DZANK1: variants seen among roughly 807,000 people sequenced by gnomAD.
DZANK1 encodes double zinc ribbon and ankyrin repeat domains 1, also known as double zinc ribbon and ankyrin repeat-containing protein 1.
Under a neutral mutation model 94.5 loss-of-function variants are expected in DZANK1, and 91 were observed. The ratio of observed to expected loss-of-function variants is 0.96; its 90% confidence interval spans 0.81 to 1.15. The LOEUF (loss-of-function observed/expected upper bound fraction) is 1.15, where lower values mean the gene tolerates loss of function less well. DZANK1 is among the 50% of genes most tolerant of loss of function. The pLI is 0.00. For missense variants in DZANK1, 903 were observed against 916.4 expected, an observed-to-expected ratio of 0.99 and a Z score of 0.19; for synonymous variants, 312 against 325.3, an observed-to-expected ratio of 0.96 and a Z score of 0.44.
chr20:18,448,716 A>T (rs2058975993), intron 7 of DZANK1, among the ~76,000 whole-genome samples: 1 of 151,826 alleles, frequency 6.6e-6, no homozygotes, highest in Admixed American at 6.6e-5. Flanking sequence ...AAAACACAAA[A>T]ATTAGCTGGG....
intron 8 of DZANK1, among the ~76,000 whole-genome samples, chr20:18,435,238 C>A (rs960600264): frequency 4.6e-5 from 7 of 152,166 alleles, no homozygotes; most frequent in Admixed American, 1.3e-4. Flanking sequence ...CTCTGGCCAA[C>A]TGAACACTAA....
intron 10 of DZANK1, among the ~76,000 whole-genome samples, chr20:18,426,605 T>C (rs2058056070): frequency 6.6e-6 from 1 of 152,226 alleles, no homozygotes; most frequent in Non-Finnish European, 1.5e-5. Flanking sequence ...CATATACTCG[T>C]ATTTCTTCCC....
At chr20:18,449,212 C>T in intron 6 of DZANK1, 143 bp from the exon 7 acceptor site, 1 of 682,004 alleles carries the variant, frequency 1.5e-6, no homozygotes, top group Non-Finnish European at 2.4e-6. Context: ...ACACTATAGA[C>T]TCTAAAAGTG....
chr20:18,450,523 A>C (rs138447006), intron 6 of DZANK1, among the ~76,000 whole-genome samples: 1 of 152,266 alleles, frequency 6.6e-6, no homozygotes, highest in Non-Finnish European at 1.5e-5. Flanking sequence ...AATTTTAACT[A>C]ACAGTCAAAA....
intron 9 of DZANK1, among the ~76,000 whole-genome samples, 172 bp from the exon 10 acceptor site, chr20:18,427,331 G>A (rs1352992790): frequency 1.3e-5 from 2 of 151,800 alleles, no homozygotes; most frequent in Non-Finnish European, 2.9e-5. Context: ...ACAAATATCT[G>A]TAGGTTTTTT....
At chr20:18,426,708 A>G (rs1360343903) in intron 10 of DZANK1, among the ~76,000 whole-genome samples, 1 of 152,228 alleles carries the variant, frequency 6.6e-6, no homozygotes, top group Non-Finnish European at 1.5e-5. Context: ...AGAGTCAACG[A>G]AGACAATGGA....
exon 17 of DZANK1, chr20:18,393,729 T>C (rs750068436): frequency 1.2e-6 from 2 of 1,610,162 alleles, no homozygotes; most frequent in Non-Finnish European, 1.7e-6. Context: ...GCTCCTTCTT[T>C]TCTTGAAAAG....
exon 7 of DZANK1, chr20:18,449,010 T>G (rs1315803855): frequency 6.2e-7 from 1 of 1,613,760 alleles, no homozygotes; most frequent in East Asian, 2.2e-5. Context: ...CCCTTTGAAT[T>G]CTCATTATCT....
intron 8 of DZANK1, 102 bp downstream of exon 8, chr20:18,443,234 TTCTTCAACAAG>T: frequency 2.6e-6 from 2 of 772,838 alleles, no homozygotes; most frequent in Admixed American, 4.6e-5. Context: ...CAGCCAGTAA[TTCTTCAACAAG>T]TATTTATATG....
chr20:18,398,502 T>A, intron 14 of DZANK1, 21 bp downstream of exon 14: 1 of 1,610,210 alleles, frequency 6.2e-7, no homozygotes. Context: ...ACTTGTGGAG[T>A]GGAAATTTCA....
chr20:18,414,128 A>G (rs1181338303), intron 12 of DZANK1, among the ~76,000 whole-genome samples: 2 of 152,244 alleles, frequency 1.3e-5, no homozygotes, highest in Non-Finnish European at 2.9e-5. Flanking sequence ...ATTCTGTCTC[A>G]TGTATTTTAA....
chr20:18,464,596 G>GT (rs1479883611), intron 2 of DZANK1, among the ~76,000 whole-genome samples: 4 of 149,320 alleles, frequency 2.7e-5, no homozygotes, highest in African/African-American at 9.9e-5. Context: ...TGGAAAGCCT[G>GT]TATCAGTAGG....
intron 9 of DZANK1, among the ~76,000 whole-genome samples, chr20:18,431,690 A>T (rs887017217): frequency 8.5e-5 from 13 of 152,186 alleles, no homozygotes; most frequent in Non-Finnish European, 1.8e-4. Context: ...ATCTCTCTAC[A>T]AATCAAGTCT....
rs1259005733 is a variant in DZANK1, at chr20:18,424,469, CA to C, written c.954+2597del. ...GACTCCGTCTCAATAACAACAACAACAAAAAAAAAAAAAAAGAAAAGAAAAG... is the reference window on the plus strand; with the variant it reads ...GACTCCGTCTCAATAACAACAACAACAAAAAAAAAAAAAAGAAAAGAAAAG... On this transcript the variant is annotated intron_variant, in intron 10 of 20. Coordinates refer to ENST00000262547, the Ensembl canonical transcript of DZANK1. Among the ~76,000 whole-genome samples, 719 of 100,990 alleles carry C rather than the reference CA, an allele frequency of 7.1e-3. 1 individual carries two copies. Among genetic ancestry groups the C allele is most frequent in the Middle Eastern group, 0.012 (2 of 168 alleles). 66.3% of individuals were successfully genotyped at this position (100,990 alleles called of 152,430 possible).
At chr20:18,390,490 C>T (rs749227278) in intron 17 of DZANK1, 31 bp from the exon 18 acceptor site, 1 of 1,601,842 alleles carries the variant, frequency 6.2e-7, no homozygotes, top group Non-Finnish European at 8.6e-7. Flanking sequence ...GTCATTTCCC[C>T]CACTTCAAAA....
At chr20:18,464,297 C>T (rs555973459) in intron 2 of DZANK1, among the ~76,000 whole-genome samples, 2 of 152,168 alleles carry the variant, frequency 1.3e-5, no homozygotes, top group South Asian at 4.1e-4. Context: ...CTCAGGTGAT[C>T]CACCTGCCTC....
In DZANK1 at chr20:18,401,217, A is replaced by G. The variant is rs117771711; in HGVS notation, c.1433-2591T>C. Among the ~76,000 whole-genome samples the G allele has an allele frequency of 1.2e-3, 188 of 152,260 alleles. 1 individual carries two copies. Among genetic ancestry groups the G allele is most frequent in the East Asian group, 6.0e-3 (31 of 5,178 alleles). ...CTCCCAAAGTGTTCTGATTACAGATATGAGCCACCGAGCCTGGCCTAGATG... is the reference window on the plus strand; with the variant it reads ...CTCCCAAAGTGTTCTGATTACAGATGTGAGCCACCGAGCCTGGCCTAGATG... On this transcript the variant is annotated intron_variant, in intron 13 of 20. Transcript: ENST00000262547.
At chr20:18,460,212 A>G (rs1399741219) in exon 3 of DZANK1, 2 of 1,593,336 alleles carry the variant, frequency 1.3e-6, no homozygotes, top group Non-Finnish European at 1.7e-6. Context: ...TAGGTTTTAT[A>G]TACTTAAATG....
At chr20:18,421,007 T>G (rs906415987) in intron 10 of DZANK1, 1 of 173,044 alleles carries the variant, frequency 5.8e-6, no homozygotes, top group Non-Finnish European at 1.3e-5. Context: ...CAATAGAAAT[T>G]CTGAGGCATA....
Sources: allele counts gnomAD v4.1 joint callset (sites outside exome capture counted in the v4.1 genomes callset), GRCh38; gene constraint gnomAD v4.1.1; transcripts MANE v1.5; gene names NCBI Gene and HGNC (gene_info 2026-07-23, HGNC 2026-07-21).